Variants in ADGRG2 observed in about 807,000 individuals in gnomAD.
ADGRG2 encodes G protein-coupled receptor 64.
A neutral mutation model predicts 74.1 loss-of-function variants in ADGRG2; 26 were observed. That is an observed-to-expected ratio of 0.35 (90% CI 0.26 to 0.49). ADGRG2 has a LOEUF of 0.49. Ranked by LOEUF, ADGRG2 falls within the 20% of genes least tolerant of loss-of-function variation. The pLI is 0.99. For missense variants in ADGRG2, 619 were observed against 763.1 expected, an observed-to-expected ratio of 0.81 and a Z score of 2.22; for synonymous variants, 296 against 295.2, an observed-to-expected ratio of 1.00 and a Z score of -0.03.
intron 3 of ADGRG2, among the ~76,000 whole-genome samples, chrX:19,051,320 C>T (rs1019359170): frequency 2.7e-5 from 3 of 110,809 alleles, no homozygotes; most frequent in Middle Eastern, 4.7e-3. Context: ...GTGATCAGCC[C>T]GCCTCGGCCT....
At chrX:19,056,874 C>A (rs1355658491) in intron 3 of ADGRG2, among the ~76,000 whole-genome samples, 2 of 111,516 alleles carry the variant, frequency 1.8e-5, no homozygotes, top group Non-Finnish European at 1.9e-5. Flanking sequence ...CTGAGCCAAG[C>A]CTTAAATGTG....
At chrX:19,078,064 A>G (rs970834147) in intron 2 of ADGRG2, among the ~76,000 whole-genome samples, 8 of 112,349 alleles carry the variant, frequency 7.1e-5, no homozygotes, top group South Asian at 3.7e-4. Context: ...AGCGCGCATA[A>G]TCTTTTCAAG....
Position 19,023,946 on chromosome X carries a change from C to T in ADGRG2, c.473G>A (p.Arg158His), listed in dbSNP as rs147891700. 3.0e-5 allele frequency: 35 copies of T among 1,172,453 alleles called. No individual in the cohort carries two copies. In the East Asian group the frequency reaches 8.3e-4, roughly 28 times the overall value. ...TTGCAGGGTTTTGTTGAGCTCTGAG[C>T]GTCTGTAATAAAATGAGAGAAATTG... ...TGVLSLSELK[R>H]SELNKTLQTL... Residue 158 changes from arginine (R) to histidine (H), a missense_variant and splice_region_variant, in exon 12 of 29, where the codon CGC becomes CAC. Transcript: ENST00000379869.
intron 3 of ADGRG2, among the ~76,000 whole-genome samples, chrX:19,064,629 C>G (rs2146887561): frequency 8.9e-6 from 1 of 112,259 alleles, no homozygotes; most frequent in African/African-American, 3.2e-5. Flanking sequence ...TTGATTCTCA[C>G]AATTATGGAT....
chrX:19,056,533 T>C (rs1280823118), intron 3 of ADGRG2, among the ~76,000 whole-genome samples: 3 of 111,976 alleles, frequency 2.7e-5, no homozygotes, highest in Non-Finnish European at 5.6e-5. Context: ...AACTACATGC[T>C]AGTAAAAAAC....
chrX:19,068,604 A>G (rs982330342), intron 3 of ADGRG2, 113 bp downstream of exon 3: 2 of 422,527 alleles, frequency 4.7e-6, no homozygotes, highest in Non-Finnish European at 8.3e-6. Flanking sequence ...AAAAATGGTT[A>G]AAATGATAAA....
chrX:19,106,213 A>C (rs960876992), intron 1 of ADGRG2, among the ~76,000 whole-genome samples: 1 of 110,752 alleles, frequency 9.0e-6, no homozygotes, highest in African/African-American at 3.3e-5. Flanking sequence ...CATTGGTTGA[A>C]GGCTGCTCCT....
chrX:19,066,429 C>T (rs1239712581), intron 3 of ADGRG2, among the ~76,000 whole-genome samples: 2 of 96,351 alleles, frequency 2.1e-5, no homozygotes, highest in Non-Finnish European at 2.1e-5. Context: ...TAGTCCCATT[C>T]CTAATGAGGA....
intron 3 of ADGRG2, among the ~76,000 whole-genome samples, chrX:19,055,229 A>G (rs1434548811): frequency 1.8e-5 from 2 of 108,500 alleles, no homozygotes. Context: ...AAATCCCTGT[A>G]GCAAATCCCT....
At chrX:19,101,101 TTGTG>T (rs10579733) in intron 1 of ADGRG2, among the ~76,000 whole-genome samples, 5,168 of 89,647 alleles carry the variant, frequency 0.058, 166 homozygotes, top group African/African-American at 0.11. Context: ...AATCATGAGA[TTGTG>T]TGTGTGTGTG....
chrX:19,120,734 A>T (rs914409353), intron 1 of ADGRG2, among the ~76,000 whole-genome samples: 1 of 112,277 alleles, frequency 8.9e-6, no homozygotes, highest in Non-Finnish European at 1.9e-5. Flanking sequence ...TTCAGCATTA[A>T]ACCAAGTGCA....
At chrX:19,027,170 C>T (rs372919087) in intron 11 of ADGRG2, 49 bp downstream of exon 11, 3 of 825,683 alleles carry the variant, frequency 3.6e-6, no homozygotes, top group Non-Finnish European at 5.5e-6. Context: ...AAAAAGTATC[C>T]TTCCATAGTT....
chrX:19,101,830 G>T (rs187323834), intron 1 of ADGRG2, among the ~76,000 whole-genome samples: 35 of 111,044 alleles, frequency 3.2e-4, no homozygotes, highest in African/African-American at 1.0e-3. Flanking sequence ...AATGGTACAG[G>T]TTCAAAGGGG....
rs1163607706 is a variant in ADGRG2 at position 19,023,918 on chromosome X, G to T, written c.501C>A (p.Thr167=). 8.4e-7 allele frequency: 1 copy of T among 1,186,661 alleles called. No homozygotes were observed. The highest frequency in any genetic ancestry group is 1.1e-6 in the Non-Finnish European group (1 of 873,224). ...GGTGCACTATGATTACCTCACTTAG[G>T]GTTTGCAGGGTTTTGTTGAGCTCTG... ...KRSELNKTLQ[T]LSETYFIMCA... The change falls in exon 12 of 29, where the codon ACC becomes ACA. Residue 167 remains threonine, a synonymous_variant. Coordinates refer to ENST00000379869, the MANE Select transcript of ADGRG2 (RefSeq NM_001079858.3).
intron 1 of ADGRG2, among the ~76,000 whole-genome samples, chrX:19,096,266 C>A (rs1220213017): frequency 1.8e-5 from 2 of 108,938 alleles, no homozygotes; most frequent in African/African-American, 3.4e-5. Context: ...AAAAAATTAG[C>A]CAGGCATGGT....
chrX:18,999,679 G>T (rs1177628248), intron 25 of ADGRG2, among the ~76,000 whole-genome samples, 182 bp downstream of exon 25: 1 of 112,056 alleles, frequency 8.9e-6, no homozygotes, highest in Non-Finnish European at 1.9e-5. Flanking sequence ...ATCACTTGAA[G>T]AGTAGCATGG....
chrX:19,069,573 C>G (rs2061620019), intron 2 of ADGRG2, among the ~76,000 whole-genome samples: 1 of 110,817 alleles, frequency 9.0e-6, no homozygotes, highest in Non-Finnish European at 1.9e-5. Context: ...CCTGGCCTGC[C>G]CTGCCCCCAA....
At chrX:19,036,415 T>C (rs926727645) in intron 6 of ADGRG2, 2 of 112,158 alleles carry the variant, frequency 1.8e-5, no homozygotes, top group African/African-American at 6.5e-5. Flanking sequence ...CAATTTAAAA[T>C]AATTCTAGCT....
chrX:19,048,231 C>G (rs777417066), intron 3 of ADGRG2, among the ~76,000 whole-genome samples: 17 of 111,801 alleles, frequency 1.5e-4, no homozygotes, highest in African/African-American at 5.2e-4. Flanking sequence ...ATAAATGCCC[C>G]GAAATAAAAT....
Sources: allele counts gnomAD v4.1 joint callset (sites outside exome capture counted in the v4.1 genomes callset), GRCh38; gene constraint gnomAD v4.1.1; transcripts MANE v1.5; gene names NCBI Gene and HGNC (gene_info 2026-07-23, HGNC 2026-07-21).